The following MGAT4C variants were observed in gnomAD, a reference collection of about 807,000 sequenced individuals.
MGAT4C encodes MGAT4 family member C, also known as alpha-1,3-mannosyl-glycoprotein 4-beta-N-acetylglucosaminyltransferase C.
MGAT4C carries 19 observed loss-of-function variants against 40.1 expected under a neutral mutation model. The ratio of observed to expected loss-of-function variants is 0.47; its 90% CI spans 0.33 to 0.70. MGAT4C has a LOEUF of 0.70. Ranked by LOEUF, MGAT4C falls within the 30% of genes least tolerant of loss-of-function variation. MGAT4C has a pLI of 0.02. For missense variants in MGAT4C, 491 were observed against 563.2 expected (o/e 0.87, Z 1.30); for synonymous variants, 181 against 187.1 (o/e 0.97, Z 0.27).
At chr12:86,381,452 C>G (rs543504290) in intron 3 of MGAT4C, among the ~76,000 whole-genome samples, 3 of 152,092 alleles carry the variant, frequency 2.0e-5, no homozygotes. Context: ...GGCCTGTGAG[C>G]CTGGGGTTCT....
intron 2 of MGAT4C, among the ~76,000 whole-genome samples, chr12:86,490,741 A>C (rs1958116428): frequency 6.6e-6 from 1 of 152,170 alleles, no homozygotes; most frequent in African/African-American, 2.4e-5. Flanking sequence ...TGGAAAACAA[A>C]AAAAAGGCAG....
At chr12:86,407,746 C>CA (rs1231581628) in intron 3 of MGAT4C, among the ~76,000 whole-genome samples, 8 of 151,964 alleles carry the variant, frequency 5.3e-5, no homozygotes, top group Non-Finnish European at 2.9e-5. Context: ...CTGTAAGGTT[C>CA]ATTTAGTACA....
chr12:86,647,361 A>G (rs1171360334), intron 2 of MGAT4C, among the ~76,000 whole-genome samples: 2 of 151,952 alleles, frequency 1.3e-5, no homozygotes, highest in African/African-American at 4.8e-5. Flanking sequence ...ACCTAAGCCA[A>G]ACTTGCTCAA....
In MGAT4C at chr12:85,957,135, C is replaced by T. The variant is rs1349425789; in HGVS notation, c.*22154G>A. 3.3e-5 allele frequency: 5 copies of T among 152,130 alleles called. No individual in the cohort carries two copies. Among genetic ancestry groups the T allele is most frequent in the East Asian group, 3.9e-4 (2 of 5,192 alleles). The allele number at this position is 152,130 out of a possible 1,614,324, so 9.4% of individuals were successfully genotyped here. ...TCCTCATAGCAGCTCCTCTTAAAGA[C>T]TGTTAGTCAGAACTCAGTTGTTTAT... is the stretch of plus-strand genomic sequence containing the variant. On this transcript the variant is annotated 3_prime_UTR_variant, in exon 5 of 5. Coordinates refer to ENST00000611864, the MANE Select transcript of MGAT4C (RefSeq NM_001351288.2).
At chr12:86,663,373 A>AAAAAAG (rs1964026250) in intron 2 of MGAT4C, among the ~76,000 whole-genome samples, 1 of 149,860 alleles carries the variant, frequency 6.7e-6, no homozygotes, top group African/African-American at 2.4e-5. Context: ...AAAAAAAAAA[A>AAAAAAG]AAGAGGAAAT....
intron 1 of MGAT4C, among the ~76,000 whole-genome samples, chr12:86,090,544 T>C (rs1872703362): frequency 2.0e-5 from 3 of 151,840 alleles, no homozygotes; most frequent in Non-Finnish European, 4.4e-5. Context: ...TTCTCTCATG[T>C]TTCTGTAAAT....
intron 3 of MGAT4C, among the ~76,000 whole-genome samples, chr12:86,409,835 G>A (rs142945497): frequency 3.9e-5 from 6 of 152,204 alleles, no homozygotes; most frequent in Non-Finnish European, 8.8e-5. Flanking sequence ...ATTTTTCAAT[G>A]TAGGTATTTC....
chr12:86,105,653 A>G (rs931200077), intron 1 of MGAT4C, among the ~76,000 whole-genome samples: 2 of 152,182 alleles, frequency 1.3e-5, no homozygotes, highest in African/African-American at 4.8e-5. Context: ...TTAAGGAAAC[A>G]TTATTAGCCA....
chr12:86,444,652 T>C (rs2091818), intron 2 of MGAT4C, among the ~76,000 whole-genome samples: 95,303 of 152,126 alleles, frequency 0.63, 30,813 homozygotes, highest in South Asian at 0.77. Flanking sequence ...TCAGTTAAAA[T>C]TCTTTGAGTT....
At chr12:86,182,294 G>A (rs539227658) in intron 1 of MGAT4C, among the ~76,000 whole-genome samples, 3 of 151,900 alleles carry the variant, frequency 2.0e-5, no homozygotes, top group Admixed American at 6.6e-5. Context: ...ACCTTGTGTC[G>A]GGGCTGTTTT....
chr12:86,675,763 T>C (rs1429906077), intron 2 of MGAT4C, among the ~76,000 whole-genome samples: 4 of 152,160 alleles, frequency 2.6e-5, no homozygotes, highest in Non-Finnish European at 5.9e-5. Flanking sequence ...ATATAATATG[T>C]CATAATGAGA....
intron 2 of MGAT4C, among the ~76,000 whole-genome samples, chr12:86,444,147 C>A (rs1957291168): frequency 6.6e-6 from 1 of 152,112 alleles, no homozygotes; most frequent in South Asian, 2.1e-4. Context: ...TTTTATAGAA[C>A]ATCCATATCA....
intron 1 of MGAT4C, among the ~76,000 whole-genome samples, chr12:86,087,461 G>T (rs76016903): frequency 0.094 from 14,215 of 151,840 alleles, 953 homozygotes; most frequent in Admixed American, 0.16. Flanking sequence ...ATGATAAATT[G>T]GTCTCTTCTT....
intron 1 of MGAT4C, among the ~76,000 whole-genome samples, chr12:86,250,633 G>T (rs1952236469): frequency 6.6e-6 from 1 of 152,034 alleles, no homozygotes; most frequent in African/African-American, 2.4e-5. Context: ...CAGAGTAAAA[G>T]ATAAAAGGTA....
At chr12:86,072,672 C>T (rs189183812) in intron 1 of MGAT4C, among the ~76,000 whole-genome samples, 371 of 152,078 alleles carry the variant, frequency 2.4e-3, no homozygotes, top group Non-Finnish European at 4.0e-3. Flanking sequence ...GAGAGCGAAA[C>T]AGAGTGGAGG....
chr12:86,803,743 A>G (rs868243597), intron 1 of MGAT4C, among the ~76,000 whole-genome samples: 2,777 of 149,602 alleles, frequency 0.019, 79 homozygotes, highest in African/African-American at 0.064. Context: ...TTAGAATGGC[A>G]ATCATTAAAA....
intron 2 of MGAT4C, among the ~76,000 whole-genome samples, chr12:86,529,743 T>G (rs1016898831): frequency 6.6e-6 from 1 of 151,924 alleles, no homozygotes; most frequent in Admixed American, 6.6e-5. Context: ...TATTTTTTAG[T>G]TTTTTTATTG....
At chr12:86,730,062 A>C (rs142242762) in intron 1 of MGAT4C, among the ~76,000 whole-genome samples, 1,785 of 152,194 alleles carry the variant, frequency 0.012, 34 homozygotes, top group African/African-American at 0.04. Context: ...GCAAATTGAC[A>C]TTACAGCATA....
At chr12:86,344,608 C>T (rs1954977365) in intron 3 of MGAT4C, among the ~76,000 whole-genome samples, 1 of 151,976 alleles carries the variant, frequency 6.6e-6, no homozygotes, top group African/African-American at 2.4e-5. Context: ...ACATTGAATA[C>T]AGACTATACA....
Sources: allele counts gnomAD v4.1 joint callset (sites outside exome capture counted in the v4.1 genomes callset), GRCh38; gene constraint gnomAD v4.1.1; transcripts MANE v1.5; gene names NCBI Gene and HGNC (gene_info 2026-07-23, HGNC 2026-07-21).